UPF2: variants seen among roughly 807,000 people sequenced by gnomAD.
UPF2 encodes the protein UPF2 regulator of nonsense mediated mRNA decay.
Under a neutral mutation model 141.4 loss-of-function variants are expected in UPF2, and 17 were observed. The ratio of observed to expected loss-of-function variants is 0.12; its 90% confidence interval spans 0.08 to 0.18. UPF2 has a LOEUF of 0.18. Ranked by LOEUF, UPF2 falls within the 10% of genes least tolerant of loss-of-function variation. UPF2 has a pLI of 1.00. For synonymous variants in UPF2, 540 were observed against 498.0 expected (o/e 1.08, Z -1.12); for missense variants, 1,152 against 1,515.9 (o/e 0.76, Z 3.99).
chr10:11,940,381 C>T lies in UPF2; in HGVS notation c.3378+2284G>A, dbSNP rs1832922019. Among the ~76,000 whole-genome samples the T allele has an allele frequency of 6.6e-6, 1 of 152,208 alleles. No homozygotes were observed. Among genetic ancestry groups the T allele is most frequent in the African/African-American group, 2.4e-5 (1 of 41,456 alleles). The stretch of plus-strand genomic sequence containing the variant: ...ACCCTGCTTCTCTTCTCTGTCCACA[C>T]TTTACACCGGGGATGAATCATTTGT... On this transcript the variant is annotated intron_variant, in intron 18 of 21. Transcript: ENST00000357604. The surrounding 1 kb of genome is among the most constrained non-coding windows in gnomAD (Gnocchi z 4.2).
chr10:11,924,109 C>T (rs145420899), intron 21 of UPF2, among the ~76,000 whole-genome samples: 63 of 152,274 alleles, frequency 4.1e-4, no homozygotes, highest in African/African-American at 1.4e-3. Flanking sequence ...ATACAGAAAA[C>T]CCTACATAAT....
intron 9 of UPF2, 89 bp from the exon 10 acceptor site, chr10:11,967,543 C>A: frequency 3.7e-6 from 2 of 539,808 alleles, no homozygotes; most frequent in Non-Finnish European, 5.9e-6. Context: ...CGAATTCACT[C>A]CAGTTTTTTT....
In UPF2 at chr10:11,976,522, G is replaced by A. The variant is rs571540881; in HGVS notation, c.1953+2535C>T. ...CAGAAGCAGATTCAAGGAAGTAAAA[G>A]ACATTTTTAAGAAGAAAATAATGAA... On this transcript the variant is annotated intron_variant, in intron 9 of 21. Coordinates refer to ENST00000357604, the MANE Select transcript of UPF2 (RefSeq NM_015542.4). 8.6e-4 allele frequency among the ~76,000 whole-genome samples: 131 copies of A among 152,150 alleles called. 1 individual carries two copies. Among genetic ancestry groups the A allele is most frequent in the Non-Finnish European group, 1.0e-3 (70 of 68,010 alleles).
At chr10:12,024,980 G>A (rs1375495220) in intron 3 of UPF2, among the ~76,000 whole-genome samples, 1 of 148,100 alleles carries the variant, frequency 6.8e-6, no homozygotes, top group Non-Finnish European at 1.5e-5. Context: ...ATAATGACTG[G>A]GAGGGACAAA....
chr10:12,031,915 C>A (rs766830618), intron 2 of UPF2, among the ~76,000 whole-genome samples: 5 of 152,196 alleles, frequency 3.3e-5, no homozygotes, highest in African/African-American at 1.2e-4. Context: ...GCCTCTATCA[C>A]TGAGAACATG....
At chr10:11,927,336 T>A (rs979433599) in intron 21 of UPF2, among the ~76,000 whole-genome samples, 1 of 152,246 alleles carries the variant, frequency 6.6e-6, no homozygotes, top group Non-Finnish European at 1.5e-5. Flanking sequence ...CAGGTGAAGA[T>A]GATGGAAAAC....
At chr10:11,988,827 C>G (rs555806274) in intron 8 of UPF2, among the ~76,000 whole-genome samples, 2 of 152,324 alleles carry the variant, frequency 1.3e-5, no homozygotes, top group Admixed American at 1.3e-4. Context: ...CCCCTTATCT[C>G]CTCGCTTGAG....
intron 4 of UPF2, among the ~76,000 whole-genome samples, chr10:12,007,523 T>C (rs959138297): frequency 1.3e-5 from 2 of 152,052 alleles, no homozygotes; most frequent in African/African-American, 2.4e-5. Flanking sequence ...ATAGTTGCAA[T>C]GCATATAAAA....
intron 21 of UPF2, among the ~76,000 whole-genome samples, chr10:11,927,866 G>C (rs574161522): frequency 1.3e-5 from 2 of 152,310 alleles, no homozygotes; most frequent in East Asian, 3.9e-4. Flanking sequence ...TGTCCAGTGA[G>C]TAACAGACAC....
At position 11,921,185 on chromosome 10, in the gene UPF2, A is replaced by G. The variant is rs1285371416; in HGVS notation, c.*113T>C. On this transcript the variant is annotated 3_prime_UTR_variant, in exon 22 of 22. Coordinates refer to ENST00000357604, the MANE Select transcript of UPF2 (RefSeq NM_015542.4). This position sits in a 1 kb window ranked among gnomAD's most constrained non-coding sequence, Gnocchi z 5.9. ...AGCCTGTCCCAGGTTTAGATTCGCA[A>G]CTCTCTAGACCGACCTGCTGAGATG... The G allele has an allele frequency of 4.1e-6, 6 of 1,468,576 alleles. No individual in the cohort carries two copies. Among genetic ancestry groups the G allele is most frequent in the Non-Finnish European group, 4.8e-6 (5 of 1,047,664 alleles). The allele number at this position is 1,468,576 out of a possible 1,614,324, so 91.0% of individuals were successfully genotyped here. A position where few individuals can be genotyped will look rare whatever the true frequency, so the allele number is the denominator to read the frequency against.
At position 11,948,469 on chromosome 10, in the gene UPF2, T is replaced by C. The variant is rs1833032596; in HGVS notation, c.3074A>G (p.Glu1025Gly). 6.2e-7 allele frequency: 1 copy of C among 1,613,122 alleles called. No homozygotes were observed. Among genetic ancestry groups the C allele is most frequent in the Non-Finnish European group, 8.5e-7 (1 of 1,179,972 alleles). Residue 1025 changes from glutamate (E) to glycine (G), a missense_variant, in exon 16 of 22, where the codon GAA (glutamate) becomes GGA (glycine). Transcript: ENST00000357604. ...NDKDSKDSMTEGENLEEDEEE... is the reference protein window; with the variant it reads ...NDKDSKDSMTGGENLEEDEEE... The stretch of plus-strand genomic sequence containing the variant: ...TTCATCCTCTTCAAGATTTTCTCCT[T>C]CTGTCATAGAATCTTTTGAGTCTTT...
intron 14 of UPF2, among the ~76,000 whole-genome samples, chr10:11,954,218 A>G (rs181188034): frequency 6.6e-6 from 1 of 152,188 alleles, no homozygotes; most frequent in Non-Finnish European, 1.5e-5. Context: ...ACAAGTTTAT[A>G]TAATAACCCA....
intron 15 of UPF2, among the ~76,000 whole-genome samples, chr10:11,950,442 G>A (rs1275448017): frequency 6.6e-6 from 1 of 152,150 alleles, no homozygotes; most frequent in Non-Finnish European, 1.5e-5. Context: ...TGCACTGATT[G>A]CGGCCGCTAC....
rs1211174646 is a variant in UPF2, at chr10:12,019,576, C to T, written c.1146-5392G>A. Among the ~76,000 whole-genome samples the T allele has an allele frequency of 3.9e-5, 6 of 152,084 alleles. No individual in the cohort carries two copies. ...ACTTGTCCCCTTTTACAGATATAAA[C>T]AGTAAGTAATGAGAACAAAATCTAT... On this transcript the variant is annotated intron_variant, in intron 3 of 21. Transcript: ENST00000357604. This position sits in a 1 kb window ranked among gnomAD's most constrained non-coding sequence, Gnocchi z 4.5.
intron 1 of UPF2, among the ~76,000 whole-genome samples, chr10:12,041,449 A>G (rs189840439): frequency 6.6e-6 from 1 of 152,246 alleles, no homozygotes; most frequent in East Asian, 1.9e-4. Flanking sequence ...TATTCTAAAT[A>G]CATTCTGAAC....
At chr10:11,984,385 T>C (rs1271988141) in intron 8 of UPF2, among the ~76,000 whole-genome samples, 1 of 152,232 alleles carries the variant, frequency 6.6e-6, no homozygotes, top group Non-Finnish European at 1.5e-5. Context: ...TTTCTTAAAC[T>C]TTTTAATGTT....
rs964873498 is a variant in UPF2 at position 12,016,779 on chromosome 10, T to C, written c.1146-2595A>G. Among the ~76,000 whole-genome samples, 9 of 152,052 alleles carry C rather than the reference T, an allele frequency of 5.9e-5. No individual in the cohort carries two copies. Among genetic ancestry groups the C allele is most frequent in the Non-Finnish European group, 1.2e-4 (8 of 68,000 alleles). On this transcript the variant is annotated intron_variant, in intron 3 of 21. Coordinates refer to ENST00000357604, the MANE Select transcript of UPF2 (RefSeq NM_015542.4). The surrounding 1 kb of genome is among the most constrained non-coding windows in gnomAD (Gnocchi z 4.1). ...GGTTCACGCCTATAATCCCAGCACT[T>C]TGGGAGGCCGAGGCAGGCGGATCAC...
chr10:12,022,410 CAAA>C (rs112402179), intron 3 of UPF2, among the ~76,000 whole-genome samples: 1 of 75,016 alleles, frequency 1.3e-5, no homozygotes, highest in African/African-American at 4.2e-5. Flanking sequence ...GACTCCGTCT[CAAA>C]AAAAAAAAAA....
chr10:12,029,996 T>C lies in UPF2; in HGVS notation c.366-472A>G, dbSNP rs561481662. Among the ~76,000 whole-genome samples, 19 of 151,892 alleles carry C rather than the reference T, an allele frequency of 1.3e-4. No homozygotes were observed. In the South Asian group the frequency reaches 3.8e-3, roughly 30 times the overall value. On this transcript the variant is annotated intron_variant, in intron 2 of 21. Coordinates refer to ENST00000357604, the MANE Select transcript of UPF2 (RefSeq NM_015542.4). Reference sequence around the variant, plus strand: ...CAAAAAAAAAACACATAAAGACATTTTACTAACGACTAACGATAACAAGTA... The same window carrying C: ...CAAAAAAAAAACACATAAAGACATTCTACTAACGACTAACGATAACAAGTA...
Sources: allele counts gnomAD v4.1 joint callset (sites outside exome capture counted in the v4.1 genomes callset), GRCh38; gene constraint gnomAD v4.1.1; non-coding constraint Gnocchi (gnomAD v3.1); transcripts MANE v1.5; gene names NCBI Gene and HGNC (gene_info 2026-07-23, HGNC 2026-07-21).